Variants in ESR1 observed in about 807,000 individuals in gnomAD.
ESR1 encodes the protein estrogen receptor 1.
In ESR1, 12 loss-of-function variants were observed where a neutral mutation model predicts 52.7. The ratio of observed to expected loss-of-function variants is 0.23; its 90% CI spans 0.15 to 0.37. The LOEUF (loss-of-function observed/expected upper bound fraction) is 0.37. ESR1 is among the 10% of genes least tolerant of loss of function. The pLI, the probability that ESR1 is intolerant of heterozygous loss-of-function variation, is 1.00. For synonymous variants in ESR1, 305 were observed against 316.8 expected, an observed-to-expected ratio of 0.96 and a Z score of 0.39; for missense variants, 584 against 779.7, an observed-to-expected ratio of 0.75 and a Z score of 2.99.
intron 1 of ESR1, among the ~76,000 whole-genome samples, chr6:151,810,514 T>A (rs941959859): frequency 6.6e-6 from 1 of 152,194 alleles, no homozygotes; most frequent in Non-Finnish European, 1.5e-5. Flanking sequence ...AAGGAAAGGA[T>A]TGATTGGGCT....
At chr6:151,937,814 A>T (rs1381267708) in intron 3 of ESR1, among the ~76,000 whole-genome samples, 1 of 152,206 alleles carries the variant, frequency 6.6e-6, no homozygotes, top group Non-Finnish European at 1.5e-5. Context: ...TTGGAGGCAG[A>T]TAGACCTCGA....
chr6:151,918,828 G>C (rs1584222631), intron 3 of ESR1, among the ~76,000 whole-genome samples: 2 of 152,172 alleles, frequency 1.3e-5, no homozygotes, highest in South Asian at 4.1e-4. Flanking sequence ...GGGATGGAGG[G>C]ATAAAGCTGT....
At chr6:152,114,457 G>A (rs2051182980) in intron 6 of ESR1, among the ~76,000 whole-genome samples, 1 of 152,058 alleles carries the variant, frequency 6.6e-6, no homozygotes, top group Non-Finnish European at 1.5e-5. Context: ...CTCAAATCAG[G>A]CCTTTGCTCT....
At chr6:151,963,839 G>A (rs376374259) in intron 4 of ESR1, among the ~76,000 whole-genome samples, 6 of 152,186 alleles carry the variant, frequency 3.9e-5, no homozygotes, top group African/African-American at 1.4e-4. Flanking sequence ...AATCCATTTT[G>A]AATGGATTTT....
intron 6 of ESR1, among the ~76,000 whole-genome samples, chr6:152,124,598 T>C (rs1232285259): frequency 2.0e-5 from 3 of 152,014 alleles, no homozygotes; most frequent in Non-Finnish European, 4.4e-5. Context: ...ATAAATAATC[T>C]CCCAAGAAGC....
intron 1 of ESR1, among the ~76,000 whole-genome samples, chr6:151,832,632 A>C (rs1294612929): frequency 1.3e-5 from 2 of 152,080 alleles, no homozygotes; most frequent in Non-Finnish European, 2.9e-5. Flanking sequence ...AGAGCAACAG[A>C]CTCAGCTATG....
At chr6:151,936,178 A>G (rs1466055860) in intron 3 of ESR1, 1 of 152,242 alleles carries the variant, frequency 6.6e-6, no homozygotes, top group Non-Finnish European at 1.5e-5. Context: ...AGAGAGCATC[A>G]TTAGATGAAT....
At chr6:152,112,357 CTGTATCTCATTTCAAGTCAAG>C (rs1415909222) in intron 6 of ESR1, among the ~76,000 whole-genome samples, 1 of 152,154 alleles carries the variant, frequency 6.6e-6, no homozygotes, top group African/African-American at 2.4e-5. Context: ...TTCAAATTTC[CTGTATCTCATTTCAAGTCAAG>C]TGTCCCCGAC....
chr6:151,991,887 C>T (rs375933638), intron 4 of ESR1, among the ~76,000 whole-genome samples: 6 of 152,054 alleles, frequency 3.9e-5, no homozygotes, highest in African/African-American at 1.2e-4. Flanking sequence ...CTCATCTTAT[C>T]GGGCCACTCA....
intron 4 of ESR1, among the ~76,000 whole-genome samples, chr6:151,945,080 C>G (rs934398759): frequency 1.3e-5 from 2 of 151,994 alleles, no homozygotes; most frequent in African/African-American, 4.8e-5. Context: ...TAGCTGGATG[C>G]AGTGGCACAC....
intron 1 of ESR1, among the ~76,000 whole-genome samples, chr6:151,659,723 A>G (rs1195336222): frequency 6.6e-6 from 1 of 152,174 alleles, no homozygotes; most frequent in Non-Finnish European, 1.5e-5. Context: ...TCAAAACAAC[A>G]ATCTAAAGGT....
chr6:152,085,532 T>A (rs1010391607), intron 6 of ESR1, among the ~76,000 whole-genome samples: 1 of 152,094 alleles, frequency 6.6e-6, no homozygotes, highest in Admixed American at 6.6e-5. Flanking sequence ...TTGAGAGTTA[T>A]GGGCTGGAAC....
intron 5 of ESR1, among the ~76,000 whole-genome samples, chr6:152,018,615 G>T (rs376910387): frequency 3.9e-5 from 6 of 152,112 alleles, no homozygotes; most frequent in African/African-American, 1.4e-4. Context: ...GCAGGTTTTG[G>T]GGGTGGGAGG....
chr6:151,905,469 G>A (rs1797296345), intron 3 of ESR1, among the ~76,000 whole-genome samples: 1 of 152,072 alleles, frequency 6.6e-6, no homozygotes, highest in East Asian at 1.9e-4. Context: ...GATAATTGAG[G>A]CAGAACTGAT....
rs1283665935 is a variant in ESR1, at chr6:151,808,284, C to T, written c.372C>T (p.His124=). 1.3e-6 allele frequency: 2 copies of T among 1,584,214 alleles called. No homozygotes were observed. Among genetic ancestry groups the T allele is most frequent in the Middle Eastern group, 1.8e-4 (1 of 5,518 alleles). The part of the protein sequence containing the change: ...PPQLSPFLQP[H]GQQVPYYLEN... ...AGCTGTCGCCTTTCCTGCAGCCCCA[C>T]GGCCAGCAGGTGCCCTACTACCTGG... is the stretch of plus-strand genomic sequence containing the variant. The change falls in exon 1 of 8, where the codon CAC becomes CAT. Residue 124 remains histidine (H), a synonymous_variant. Transcript: ENST00000206249.
At chr6:151,672,907 C>T (rs1414540262) in intron 1 of ESR1, among the ~76,000 whole-genome samples, 2 of 148,776 alleles carry the variant, frequency 1.3e-5, no homozygotes, top group Non-Finnish European at 3.0e-5. Context: ...CGGCTCACTG[C>T]AAGCTCTGCC....
At chr6:151,697,743 T>C (rs1779465001) in intron 1 of ESR1, among the ~76,000 whole-genome samples, 1 of 152,176 alleles carries the variant, frequency 6.6e-6, no homozygotes, top group East Asian at 1.9e-4. Flanking sequence ...AAATGTGTGG[T>C]CCCTGCAGCT....
chr6:151,999,798 AT>A (rs2041808776), intron 4 of ESR1, among the ~76,000 whole-genome samples: 1 of 152,118 alleles, frequency 6.6e-6, no homozygotes, highest in Non-Finnish European at 1.5e-5. Flanking sequence ...ATACCCAGGC[AT>A]TTTTAAGAAG....
intron 2 of ESR1, among the ~76,000 whole-genome samples, chr6:151,872,815 A>G (rs1197257578): frequency 6.6e-6 from 1 of 152,162 alleles, no homozygotes; most frequent in Non-Finnish European, 1.5e-5. Context: ...GAAAGTCAAT[A>G]TCTTTCTCAG....
Sources: gnomAD v4.1 joint callset for allele counts (sites outside exome capture counted in the v4.1 genomes callset) on GRCh38, gnomAD v4.1.1 for gene constraint, MANE v1.5 for transcripts, NCBI Gene and HGNC (gene_info 2026-07-23, HGNC 2026-07-21) for gene names.